Variants in RBFOX2 observed in about 807,000 individuals in gnomAD.
The protein encoded by RBFOX2 is RNA binding protein fox-1 homolog 2.
A neutral mutation model predicts 49.1 loss-of-function variants in RBFOX2; 10 were observed. The ratio of observed to expected loss-of-function variants is 0.20; its 90% CI spans 0.13 to 0.35. The LOEUF (loss-of-function observed/expected upper bound fraction) is 0.35. Among genes scored for constraint, RBFOX2 ranks in the 10% least tolerant of loss-of-function variants. The pLI is 1.00. For missense variants in RBFOX2, 323 were observed against 486.9 expected, an observed-to-expected ratio of 0.66 and a Z score of 3.17; for synonymous variants, 183 against 187.4, an observed-to-expected ratio of 0.98 and a Z score of 0.19.
At chr22:35,848,551 CCAAAA>C (rs1269983865) in intron 1 of RBFOX2, among the ~76,000 whole-genome samples, 1 of 152,150 alleles carries the variant, frequency 6.6e-6, no homozygotes, top group African/African-American at 2.4e-5. Context: ...CAGGCCCAAT[CCAAAA>C]TAGCTTGGGC....
intron 1 of RBFOX2, among the ~76,000 whole-genome samples, chr22:35,974,405 C>G (rs1160858470): frequency 6.6e-6 from 1 of 152,264 alleles, no homozygotes; most frequent in South Asian, 2.1e-4. Context: ...ACAGGCTAGG[C>G]CAGGCACAGT....
chr22:35,827,733 TCTTC>T (rs1956048145), intron 1 of RBFOX2, among the ~76,000 whole-genome samples: 1 of 152,234 alleles, frequency 6.6e-6, no homozygotes, highest in South Asian at 2.1e-4. Flanking sequence ...TCTTACGCAT[TCTTC>T]CTTAATACTC....
intron 1 of RBFOX2, among the ~76,000 whole-genome samples, chr22:35,938,436 G>A (rs537084444): frequency 1.1e-4 from 16 of 152,268 alleles, no homozygotes; most frequent in African/African-American, 3.1e-4. Flanking sequence ...TTCCCCCAGG[G>A]AGGAGAATGG....
rs180856289 is a variant in RBFOX2 at position 35,853,736 on chromosome 22, G to A, written c.-33-43732C>T. 4.4e-4 allele frequency among the ~76,000 whole-genome samples: 66 copies of A among 151,298 alleles called. No homozygotes were observed. In the South Asian group the frequency reaches 5.1e-3, roughly 12 times the overall value. On this transcript the variant is annotated intron_variant, in intron 1 of 13. Transcript: ENST00000359369. ...TAAGACAAAACTAGTACCTCCAGGC[G>A]GTGGAATGGGGTGGTGGCTGGTTTT...
At chr22:35,887,533 A>C (rs2046733518) in intron 1 of RBFOX2, among the ~76,000 whole-genome samples, 5 of 152,150 alleles carry the variant, frequency 3.3e-5, no homozygotes, top group Admixed American at 3.3e-4. Context: ...TACTCATCAC[A>C]TACCTCAGCA....
intron 1 of RBFOX2, chr22:35,897,491 T>G (rs1291503797): frequency 1.3e-5 from 11 of 819,188 alleles, no homozygotes; most frequent in Non-Finnish European, 2.2e-5. Context: ...CAAAGTCTCT[T>G]GCTACCCACT....
rs552459184 is a variant in RBFOX2, at chr22:35,918,137, C to G, written c.-34+20710G>C. Among the ~76,000 whole-genome samples, 10 of 152,292 alleles carry G rather than the reference C, an allele frequency of 6.6e-5. No individual in the cohort carries two copies. The East Asian group carries it at 1.9e-3, about 29-fold the overall frequency. ...CAGAGTTCTTGTTTCAGTGTTAGGG[C>G]TGACATGCCAAAGGGCCAGGGTATC... On this transcript the variant is annotated intron_variant, in intron 1 of 13. Transcript: ENST00000359369.
chr22:36,024,557 A>G (rs2059359289), intron 1 of RBFOX2, among the ~76,000 whole-genome samples: 1 of 152,020 alleles, frequency 6.6e-6, no homozygotes, highest in Non-Finnish European at 1.5e-5. Flanking sequence ...CCTGGCCAAC[A>G]TGGTGAAACC....
intron 1 of RBFOX2, among the ~76,000 whole-genome samples, chr22:35,908,139 TTTAAC>T (rs2049334283): frequency 6.6e-6 from 1 of 152,156 alleles, no homozygotes; most frequent in Non-Finnish European, 1.5e-5. Flanking sequence ...GAAATAAAAT[TTTAAC>T]TTAACCATTC....
At chr22:35,921,454 AT>A (rs2051013419) in intron 1 of RBFOX2, among the ~76,000 whole-genome samples, 1 of 152,240 alleles carries the variant, frequency 6.6e-6, no homozygotes, top group Non-Finnish European at 1.5e-5. Flanking sequence ...ATGCGGCTGG[AT>A]TTGAAGCCAC....
Position 35,989,530 on chromosome 22 carries a change from G to A in RBFOX2, c.186+38710C>T, listed in dbSNP as rs112292712. On this transcript the variant is annotated intron_variant, in intron 1 of 13. Transcript: ENST00000438146. ...AACCAGAACTGCAATGGGCTCAAAGGGCACAGACAACTATTTTAAGAAGGT... is the reference window on the plus strand; with the variant it reads ...AACCAGAACTGCAATGGGCTCAAAGAGCACAGACAACTATTTTAAGAAGGT... Among the ~76,000 whole-genome samples, 310 of 152,208 alleles carry A rather than the reference G, an allele frequency of 2.0e-3. 1 individual carries two copies. Among genetic ancestry groups the A allele is most frequent in the African/African-American group, 7.3e-3 (304 of 41,528 alleles).
chr22:35,931,459 G>A (rs911192945), intron 1 of RBFOX2, among the ~76,000 whole-genome samples: 2 of 152,064 alleles, frequency 1.3e-5, no homozygotes, highest in African/African-American at 4.8e-5. Context: ...TGGAAAGTAG[G>A]GGAGTGACTG....
At chr22:35,791,918 T>C (rs1177748557) in intron 2 of RBFOX2, among the ~76,000 whole-genome samples, 1 of 152,076 alleles carries the variant, frequency 6.6e-6, no homozygotes, top group Non-Finnish European at 1.5e-5. Context: ...TTCTGAAAAA[T>C]GTGTCATTCA....
At chr22:35,932,588 A>G (rs1257612351) in intron 1 of RBFOX2, among the ~76,000 whole-genome samples, 3 of 152,254 alleles carry the variant, frequency 2.0e-5, no homozygotes, top group African/African-American at 7.2e-5. Flanking sequence ...CATTTTAAAC[A>G]TCAAAGAATG....
At chr22:35,968,670 G>T (rs1471407076) in intron 1 of RBFOX2, among the ~76,000 whole-genome samples, 1 of 152,172 alleles carries the variant, frequency 6.6e-6, no homozygotes, top group Non-Finnish European at 1.5e-5. Context: ...AATTTCCCAT[G>T]GCATTCATTC....
At chr22:35,804,778 G>C (rs563390064) in intron 2 of RBFOX2, among the ~76,000 whole-genome samples, 106 of 152,102 alleles carry the variant, frequency 7.0e-4, no homozygotes, top group African/African-American at 2.5e-3. Context: ...GGACTGAAAG[G>C]AAATGACACT....
intron 2 of RBFOX2, among the ~76,000 whole-genome samples, chr22:35,786,191 C>T (rs937017911): frequency 3.3e-5 from 5 of 152,140 alleles, no homozygotes; most frequent in Non-Finnish European, 7.3e-5. Context: ...AAGTATGTTG[C>T]CCAAGGTGCT....
intron 9 of RBFOX2, among the ~76,000 whole-genome samples, chr22:35,753,128 T>A (rs1022451207): frequency 6.6e-6 from 1 of 152,362 alleles, no homozygotes; most frequent in South Asian, 2.1e-4. Flanking sequence ...TTGTGTCTTC[T>A]CTTCAAGCTC....
At chr22:35,879,833 A>C (rs1052837258) in intron 1 of RBFOX2, among the ~76,000 whole-genome samples, 2 of 152,238 alleles carry the variant, frequency 1.3e-5, no homozygotes, top group African/African-American at 4.8e-5. Context: ...GGGCAAGAGA[A>C]GATGGAATAC....
Sources: allele counts gnomAD v4.1 joint callset (sites outside exome capture counted in the v4.1 genomes callset), GRCh38; gene constraint gnomAD v4.1.1; transcripts MANE v1.5; gene names NCBI Gene and HGNC (gene_info 2026-07-23, HGNC 2026-07-21).